Variants in AGAP1 observed in about 807,000 individuals in gnomAD.
AGAP1 encodes the protein ArfGAP with GTPase domain, ankyrin repeat and PH domain 1.
AGAP1 carries 29 observed loss-of-function variants against 105.3 expected under a neutral mutation model. That is an observed-to-expected ratio of 0.28 (90% CI 0.21 to 0.38). The LOEUF is 0.38. Among genes scored for constraint, AGAP1 ranks in the 10% least tolerant of loss-of-function variants. The pLI, the probability that AGAP1 is intolerant of heterozygous loss-of-function variation, is 1.00. For missense variants in AGAP1, 998 were observed against 1,165.1 expected, an observed-to-expected ratio of 0.86 and a Z score of 2.09; for synonymous variants, 509 against 485.9, an observed-to-expected ratio of 1.05 and a Z score of -0.63.
chr2:235,816,077 T>C (rs944378012), intron 9 of AGAP1, among the ~76,000 whole-genome samples: 3 of 152,184 alleles, frequency 2.0e-5, no homozygotes, highest in Non-Finnish European at 4.4e-5. Context: ...ACAGTGGCTG[T>C]GGTGTTTTGT....
chr2:235,596,647 T>C lies in AGAP1; in HGVS notation c.163+101798T>C, dbSNP rs1945534298. ...TTGAGGGGATTGTGTAAGAAGATGT[T>C]GTTAAATTTATTTTTAGAATAATAG... On this transcript the variant is annotated intron_variant, in intron 1 of 17. Coordinates refer to ENST00000304032, the MANE Select transcript of AGAP1 (RefSeq NM_001037131.3). This position sits in a 1 kb window ranked among gnomAD's most constrained non-coding sequence, Gnocchi z 5.9. 6.6e-6 allele frequency among the ~76,000 whole-genome samples: 1 copy of C among 152,204 alleles called. No homozygotes were observed. The highest frequency in any genetic ancestry group is 1.5e-5 in the Non-Finnish European group (1 of 68,046).
At position 235,752,089 on chromosome 2, in the gene AGAP1, C is replaced by T. The variant is rs549718142; in HGVS notation, c.673+1601C>T. On this transcript the variant is annotated intron_variant, in intron 6 of 17. Transcript: ENST00000304032. This position sits in a 1 kb window ranked among gnomAD's most constrained non-coding sequence, Gnocchi z 4.3. ...AGGTCACTGTCGGCCGCTGCGCTGC[C>T]GAGGCCCCTGTGAATGTTGAAGTAA... Among the ~76,000 whole-genome samples, 2 of 152,302 alleles carry T rather than the reference C, an allele frequency of 1.3e-5. No individual in the cohort carries two copies. The highest frequency in any genetic ancestry group is 2.1e-4 in the South Asian group (1 of 4,824).
intron 16 of AGAP1, among the ~76,000 whole-genome samples, chr2:236,079,196 A>G (rs959877224): frequency 1.3e-5 from 2 of 151,740 alleles, no homozygotes; most frequent in Non-Finnish European, 2.9e-5. Context: ...AGCATGAAGG[A>G]GAGAGAGACA....
chr2:235,827,365 T>C (rs1959128608), intron 9 of AGAP1, among the ~76,000 whole-genome samples: 1 of 152,174 alleles, frequency 6.6e-6, no homozygotes, highest in African/African-American at 2.4e-5. Context: ...CCCACGTGGC[T>C]GAAGGGCTTG....
At chr2:235,570,253 G>C (rs1471447258) in intron 1 of AGAP1, among the ~76,000 whole-genome samples, 1 of 152,178 alleles carries the variant, frequency 6.6e-6, no homozygotes, top group Non-Finnish European at 1.5e-5. Flanking sequence ...GCAGTCCCCG[G>C]CTAGCGGCTG....
chr2:236,067,348 T>A (rs2058373282), intron 16 of AGAP1, among the ~76,000 whole-genome samples: 1 of 152,174 alleles, frequency 6.6e-6, no homozygotes, highest in Non-Finnish European at 1.5e-5. Flanking sequence ...ATAGAAGTCA[T>A]CTATTAGTTT....
Position 235,916,331 on chromosome 2 carries a change from G to A in AGAP1, c.1324+7425G>A, listed in dbSNP as rs558894128. Among the ~76,000 whole-genome samples the A allele has an allele frequency of 6.6e-5, 10 of 152,314 alleles. No individual in the cohort carries two copies. In the South Asian group the frequency reaches 2.1e-3, roughly 32 times the overall value. ...TTGCCATTCTAATGAGGATCCACCA[G>A]AAGCCACATTTTGGAGAATCTTCCC... On this transcript the variant is annotated intron_variant, in intron 11 of 17. Coordinates refer to ENST00000304032, the MANE Select transcript of AGAP1 (RefSeq NM_001037131.3).
At chr2:235,580,698 ACTT>A (rs1183906184) in intron 1 of AGAP1, among the ~76,000 whole-genome samples, 1 of 151,928 alleles carries the variant, frequency 6.6e-6, no homozygotes, top group Non-Finnish European at 1.5e-5. Flanking sequence ...GTTCTTTTTG[ACTT>A]CTTTGGCCTC....
intron 1 of AGAP1, among the ~76,000 whole-genome samples, chr2:235,668,122 T>C (rs1352908499): frequency 6.6e-6 from 1 of 152,114 alleles, no homozygotes; most frequent in African/African-American, 2.4e-5. Context: ...GACCCTGTGA[T>C]GGTGAAAATC....
rs1957392912 is a variant in AGAP1 at position 235,799,481 on chromosome 2, C to T, written c.916C>T (p.Pro306Ser). Residue 306 changes from proline to serine, a missense_variant, in exon 8 of 18, where the codon CCC (proline) becomes TCC (serine). Physicochemically the swap from Pro to Ser is moderately conservative, Grantham distance 74 (BLOSUM62 -1). Coordinates refer to ENST00000304032, the MANE Select transcript of AGAP1 (RefSeq NM_001037131.3). This position sits in a 1 kb window ranked among gnomAD's most constrained non-coding sequence, Gnocchi z 5.0. ...TCCTCCCACTGCCAACACGCCCACG[C>T]CCGTTCGCAAGCAGTCTAAGCGCCG... ...DVPPTANTPTPVRKQSKRRSN... is the reference protein window; with the variant it reads ...DVPPTANTPTSVRKQSKRRSN... 1 of 1,614,100 alleles carries T rather than the reference C, an allele frequency of 6.2e-7. No individual in the cohort carries two copies. The highest frequency in any genetic ancestry group is 1.3e-5 in the African/African-American group (1 of 74,926).
At chr2:236,108,237 G>A (rs2059551428) in intron 16 of AGAP1, among the ~76,000 whole-genome samples, 1 of 152,226 alleles carries the variant, frequency 6.6e-6, no homozygotes, top group African/African-American at 2.4e-5. Flanking sequence ...CCCCTACCGA[G>A]AAAGGAAGCC....
At chr2:235,579,250 C>G (rs1198060978) in intron 1 of AGAP1, among the ~76,000 whole-genome samples, 1 of 152,154 alleles carries the variant, frequency 6.6e-6, no homozygotes, top group Non-Finnish European at 1.5e-5. Flanking sequence ...CAGAGCCGGG[C>G]TCAGTTTACC....
In AGAP1 at chr2:235,600,947, C is replaced by A. The variant is rs574417417; in HGVS notation, c.163+106098C>A. Reference sequence around the variant, plus strand: ...AGCCTCCCCCATCTCAGCTGGTGCTCACTTTATTTTTACTGCTTGTTGTTC... The same window carrying A: ...AGCCTCCCCCATCTCAGCTGGTGCTAACTTTATTTTTACTGCTTGTTGTTC... On this transcript the variant is annotated intron_variant, in intron 1 of 17. Transcript: ENST00000304032. The surrounding 1 kb of genome is among the most constrained non-coding windows in gnomAD (Gnocchi z 4.8). Among the ~76,000 whole-genome samples, 59 of 152,254 alleles carry A rather than the reference C, an allele frequency of 3.9e-4. No homozygotes were observed. Among genetic ancestry groups the A allele is most frequent in the African/African-American group, 1.4e-3 (59 of 41,548 alleles).
At chr2:235,857,793 A>C (rs1461446937) in intron 9 of AGAP1, among the ~76,000 whole-genome samples, 1 of 152,232 alleles carries the variant, frequency 6.6e-6, no homozygotes, top group African/African-American at 2.4e-5. Flanking sequence ...AATGTAGTAC[A>C]GTCGTCATTT....
chr2:236,113,229 C>T lies in AGAP1; in HGVS notation c.2115-6963C>T, dbSNP rs764514344. Among the ~76,000 whole-genome samples the T allele has an allele frequency of 2.6e-5, 4 of 152,090 alleles. No individual in the cohort carries two copies. The highest frequency in any genetic ancestry group is 4.8e-5 in the African/African-American group (2 of 41,420). Reference sequence around the variant, plus strand: ...AATCTCAACTCACTGCAACCTCCGCCTCCCGGGTTCAAGCAATTCTCTGCC... The same window carrying T: ...AATCTCAACTCACTGCAACCTCCGCTTCCCGGGTTCAAGCAATTCTCTGCC... On this transcript the variant is annotated intron_variant, in intron 16 of 17. Transcript: ENST00000304032. This position sits in a 1 kb window ranked among gnomAD's most constrained non-coding sequence, Gnocchi z 4.3.
chr2:236,026,714 G>A (rs2057067170), intron 13 of AGAP1, among the ~76,000 whole-genome samples: 1 of 152,176 alleles, frequency 6.6e-6, no homozygotes, highest in South Asian at 2.1e-4. Context: ...GGGCAACAGA[G>A]CGAGACTCCA....
At position 235,958,430 on chromosome 2, in the gene AGAP1, A is replaced by T. The variant is rs566643194; in HGVS notation, c.1484-10032A>T. Reference sequence around the variant, plus strand: ...GCCCAGCACCTCCCCCAGCGGACACATTTAGAGACCCTCGGGAGCGCGAGG... The same window carrying T: ...GCCCAGCACCTCCCCCAGCGGACACTTTTAGAGACCCTCGGGAGCGCGAGG... On this transcript the variant is annotated intron_variant, in intron 12 of 17. Transcript: ENST00000304032. The surrounding 1 kb of genome is among the most constrained non-coding windows in gnomAD (Gnocchi z 4.1). Among the ~76,000 whole-genome samples, 3 of 152,184 alleles carry T rather than the reference A, an allele frequency of 2.0e-5. No homozygotes were observed. Among genetic ancestry groups the T allele is most frequent in the African/African-American group, 7.2e-5 (3 of 41,536 alleles).
rs2057887902 is a variant in AGAP1 at position 236,051,329 on chromosome 2, G to A, written c.2114+2048G>A. Among the ~76,000 whole-genome samples, 1 of 152,224 alleles carries A rather than the reference G, an allele frequency of 6.6e-6. No individual in the cohort carries two copies. The highest frequency in any genetic ancestry group is 2.1e-4 in the South Asian group (1 of 4,830). ...TCATTGCACACTTTCTCGTAGAAAA[G>A]CAACGGTGAGTGATGATTGCAGTTC... On this transcript the variant is annotated intron_variant, in intron 16 of 17. Transcript: ENST00000304032. The surrounding 1 kb of genome is among the most constrained non-coding windows in gnomAD (Gnocchi z 5.9).
intron 9 of AGAP1, among the ~76,000 whole-genome samples, chr2:235,881,651 A>T (rs1001813398): frequency 2.6e-5 from 4 of 152,234 alleles, no homozygotes; most frequent in African/African-American, 9.6e-5. Flanking sequence ...AGAGAATCCC[A>T]GCTCAAGGTG....
Sources: gnomAD v4.1 joint callset for allele counts (sites outside exome capture counted in the v4.1 genomes callset) on GRCh38, gnomAD v4.1.1 for gene constraint, Gnocchi (gnomAD v3.1) non-coding constraint, MANE v1.5 for transcripts, NCBI Gene and HGNC (gene_info 2026-07-23, HGNC 2026-07-21) for gene names.